ADGRV1: variants seen among roughly 807,000 people sequenced by gnomAD.
The protein encoded by ADGRV1 is adhesion G protein-coupled receptor V1, also known as G-protein coupled receptor 98.
Under a neutral mutation model 596.2 loss-of-function variants are expected in ADGRV1, and 359 were observed. That is an observed-to-expected ratio of 0.60 (90% CI 0.55 to 0.66). The LOEUF is 0.66. Ranked by LOEUF, ADGRV1 falls within the 30% of genes least tolerant of loss-of-function variation. ADGRV1 has a pLI of 0.00. For missense variants in ADGRV1, 7,274 were observed against 7,575.6 expected, an observed-to-expected ratio of 0.96 and a Z score of 1.48; for synonymous variants, 2,681 against 2,679.2, an observed-to-expected ratio of 1.00 and a Z score of -0.02.
At chr5:90,664,945 G>T (rs1163752615) in intron 21 of ADGRV1, among the ~76,000 whole-genome samples, 2 of 152,018 alleles carry the variant, frequency 1.3e-5, no homozygotes, top group Non-Finnish European at 2.9e-5. Context: ...GAACCAGCTT[G>T]CATCCCAGGG....
Position 90,965,445 on chromosome 5 carries a change from C to A in ADGRV1, c.17887C>A (p.Pro5963Thr), listed in dbSNP as rs780792691. 3 of 1,613,436 alleles carry A rather than the reference C, an allele frequency of 1.9e-6. No individual in the cohort carries two copies. ...ILFLASAYAS[P>T]QLAEESCSAM... ...GTTTCTGGCGTCTGCATACGCAAGT[C>A]CCCAACTCGCTGAGGAGAGCTGTTC... Residue 5963 changes from proline (P) to threonine (T), a missense_variant, in exon 84 of 90, where the codon CCC becomes ACC. Physicochemically the swap from Pro to Thr is conservative, Grantham distance 38. Transcript: ENST00000405460.
chr5:90,654,020 A>G (rs1769045361), intron 20 of ADGRV1, 68 bp downstream of exon 20: 2 of 1,495,750 alleles, frequency 1.3e-6, no homozygotes, highest in South Asian at 2.4e-5. Context: ...TAAAATTTAG[A>G]TTTTTAAAAA....
At chr5:90,578,567 A>G (rs1580331053) in intron 1 of ADGRV1, among the ~76,000 whole-genome samples, 1 of 152,164 alleles carries the variant, frequency 6.6e-6, no homozygotes, top group African/African-American at 2.4e-5. Flanking sequence ...ATTGGTCTAA[A>G]ATTCTCTTTT....
rs553542768 is a variant in ADGRV1 at position 90,596,490 on chromosome 5, C to A, written c.23-18345C>A. 7.6e-3 allele frequency among the ~76,000 whole-genome samples: 1,154 copies of A among 152,160 alleles called. 6 individuals are homozygous for A. Among genetic ancestry groups the A allele is most frequent in the Non-Finnish European group, 9.8e-3 (668 of 68,014 alleles). ...CCGAGATCACGCCACTGCACTCCAG[C>A]CTGGGCACCATTGAGCACTGAGTGA... On this transcript the variant is annotated intron_variant, in intron 1 of 89. Coordinates refer to ENST00000405460, the MANE Select transcript of ADGRV1 (RefSeq NM_032119.4).
At chr5:91,036,650 G>A (rs2151256445) in intron 85 of ADGRV1, among the ~76,000 whole-genome samples, 1 of 151,962 alleles carries the variant, frequency 6.6e-6, no homozygotes, top group Non-Finnish European at 1.5e-5. Context: ...TTGAGCCCAG[G>A]AGTTGGAGTC....
At chr5:90,790,840 A>G (rs756838861) in intron 69 of ADGRV1, 33 bp from the exon 70 acceptor site, 12 of 1,418,262 alleles carry the variant, frequency 8.5e-6, no homozygotes, top group Non-Finnish European at 1.2e-5. Context: ...ACTGAATTAT[A>G]TAACTTTGTT....
At chr5:90,897,232 T>C (rs1771414736) in intron 83 of ADGRV1, among the ~76,000 whole-genome samples, 1 of 152,194 alleles carries the variant, frequency 6.6e-6, no homozygotes, top group Admixed American at 6.5e-5. Context: ...AAGTTTTAGT[T>C]TTATAGATTT....
At chr5:91,011,832 A>T (rs562032816) in intron 85 of ADGRV1, among the ~76,000 whole-genome samples, 6 of 152,090 alleles carry the variant, frequency 3.9e-5, no homozygotes, top group African/African-American at 1.4e-4. Flanking sequence ...ATTGCATTTC[A>T]TGGATAGTAG....
intron 86 of ADGRV1, among the ~76,000 whole-genome samples, chr5:91,101,224 A>T (rs1791350431): frequency 6.6e-6 from 1 of 152,212 alleles, no homozygotes; most frequent in African/African-American, 2.4e-5. Flanking sequence ...AAACTTTCTC[A>T]TTGTACTCTA....
chr5:90,712,153 A>G, intron 41 of ADGRV1, 134 bp from the exon 42 acceptor site: 3 of 549,190 alleles, frequency 5.5e-6, no homozygotes, highest in Non-Finnish European at 9.1e-6. Flanking sequence ...AAACCAAAAT[A>G]TAAGGAGACA....
At chr5:91,131,532 C>T (rs543163660) in intron 87 of ADGRV1, among the ~76,000 whole-genome samples, 2 of 151,234 alleles carry the variant, frequency 1.3e-5, no homozygotes, top group Non-Finnish European at 2.9e-5. Flanking sequence ...CTCACTGTAA[C>T]CTCTGCCTTC....
At chr5:90,647,410 T>C in intron 16 of ADGRV1, 88 bp from the exon 17 acceptor site, 1 of 1,379,992 alleles carries the variant, frequency 7.2e-7, no homozygotes, top group Non-Finnish European at 9.9e-7. Flanking sequence ...GGCTTCTCTC[T>C]TGGAGGGCAG....
intron 39 of ADGRV1, among the ~76,000 whole-genome samples, chr5:90,709,400 T>G (rs1749040173): frequency 6.6e-6 from 1 of 152,218 alleles, no homozygotes; most frequent in Non-Finnish European, 1.5e-5. Flanking sequence ...AACCTGAGCC[T>G]TGGTACAAAC....
At chr5:90,659,058 T>A (rs1769854273) in intron 21 of ADGRV1, among the ~76,000 whole-genome samples, 1 of 152,198 alleles carries the variant, frequency 6.6e-6, no homozygotes, top group Non-Finnish European at 1.5e-5. Flanking sequence ...GGTCATAGGC[T>A]CATTCTAGCT....
intron 50 of ADGRV1, among the ~76,000 whole-genome samples, chr5:90,737,862 AT>A (rs146833111): frequency 1.0e-4 from 15 of 150,746 alleles, no homozygotes; most frequent in East Asian, 1.9e-4. Context: ...ATTGGATCTT[AT>A]TTTTTTTTAA....
chr5:91,045,962 GA>G (rs1487183741), intron 85 of ADGRV1, among the ~76,000 whole-genome samples: 3 of 151,958 alleles, frequency 2.0e-5, no homozygotes, highest in African/African-American at 7.2e-5. Flanking sequence ...ATACACTAAG[GA>G]GGTGAAAGAC....
At chr5:90,805,553 A>G (rs903750252) in intron 72 of ADGRV1, 95 bp downstream of exon 72, 1 of 1,066,324 alleles carries the variant, frequency 9.4e-7, no homozygotes, top group Non-Finnish European at 1.3e-6. Context: ...CTGGACACTA[A>G]ATGTAGTTTT....
chr5:91,037,913 A>G (rs1378252784), intron 85 of ADGRV1, among the ~76,000 whole-genome samples: 1 of 152,186 alleles, frequency 6.6e-6, no homozygotes, highest in Non-Finnish European at 1.5e-5. Context: ...GTCAAAATGC[A>G]GTCAAACTTT....
At chr5:90,717,497 C>CT (rs1561585656) in intron 43 of ADGRV1, 1 of 138,010 alleles carries the variant, frequency 7.2e-6, no homozygotes, top group Non-Finnish European at 1.5e-5. Context: ...TTCAGTGGCG[C>CT]AATCTAGGTT....
Sources: gnomAD v4.1 joint callset for allele counts (sites outside exome capture counted in the v4.1 genomes callset) on GRCh38, gnomAD v4.1.1 for gene constraint, MANE v1.5 for transcripts, NCBI Gene and HGNC (gene_info 2026-07-23, HGNC 2026-07-21) for gene names.